GIGYF2: variants seen among roughly 807,000 people sequenced by gnomAD.
GIGYF2 encodes the protein GRB10 interacting GYF protein 2.
GIGYF2 carries 25 observed loss-of-function variants against 208.1 expected under a neutral mutation model. The observed-to-expected ratio is 0.12, with a 90% CI of 0.09 to 0.17. GIGYF2 has a LOEUF of 0.17. GIGYF2 is among the 10% of genes least tolerant of loss of function. The pLI, the probability that GIGYF2 is intolerant of heterozygous loss-of-function variation, is 1.00. For missense variants in GIGYF2, 1,302 were observed against 1,579.4 expected (o/e 0.82, Z 2.98); for synonymous variants, 534 against 543.8 (o/e 0.98, Z 0.25).
In GIGYF2 at chr2:232,784,103, G is replaced by A. The variant is rs182125530; in HGVS notation, c.533-3047G>A. Among the ~76,000 whole-genome samples the A allele has an allele frequency of 1.4e-3, 219 of 152,296 alleles. 3 individuals carry two copies. Among genetic ancestry groups the A allele is most frequent in the African/African-American group, 5.1e-3 (213 of 41,546 alleles). On this transcript the variant is annotated intron_variant, in intron 8 of 28. Transcript: ENST00000373563. Reference sequence around the variant, plus strand: ...AATTCAGCATCCCTGAAATTAAATGGATAGGATTTTCTCATAACATGATCA... The same window carrying A: ...AATTCAGCATCCCTGAAATTAAATGAATAGGATTTTCTCATAACATGATCA...
At chr2:232,815,825 T>G (rs531625189) in intron 19 of GIGYF2, 88 bp downstream of exon 19, 2 of 749,760 alleles carry the variant, frequency 2.7e-6, no homozygotes, top group African/African-American at 3.4e-5. Context: ...TAGCTAGCTA[T>G]GCTTTTTACT....
chr2:232,804,085 C>A (rs969028168), intron 14 of GIGYF2, among the ~76,000 whole-genome samples: 20 of 152,012 alleles, frequency 1.3e-4, no homozygotes, highest in African/African-American at 4.1e-4. Context: ...TGATTCTTCC[C>A]AGTTTAATCT....
intron 3 of GIGYF2, among the ~76,000 whole-genome samples, chr2:232,746,114 C>T (rs1017341272): frequency 2.6e-5 from 4 of 151,414 alleles, no homozygotes; most frequent in South Asian, 2.1e-4. Flanking sequence ...AAAAATTACA[C>T]GGGAGTTTGT....
chr2:232,840,079 G>A, intron 23 of GIGYF2, 108 bp downstream of exon 23: 1 of 1,172,188 alleles, frequency 8.5e-7, no homozygotes, highest in Admixed American at 1.8e-5. Context: ...ATTGTTGTGT[G>A]TCTGAATTGG....
At chr2:232,746,976 G>A (rs1161243071) in intron 3 of GIGYF2, among the ~76,000 whole-genome samples, 2 of 152,062 alleles carry the variant, frequency 1.3e-5, no homozygotes, top group African/African-American at 4.8e-5. Context: ...CTATGCTTTT[G>A]CTGCAGTTTG....
Position 232,745,688 on chromosome 2 carries a change from A to T in GIGYF2, c.42-1927A>T, listed in dbSNP as rs1698124872. Among the ~76,000 whole-genome samples, 4 of 152,306 alleles carry T rather than the reference A, an allele frequency of 2.6e-5. No homozygotes were observed. In the South Asian group the frequency reaches 8.3e-4, roughly 32 times the overall value. On this transcript the variant is annotated intron_variant, in intron 3 of 28. Transcript: ENST00000373563. ...TGCAGAAGTATTCCAGCTAATACAT[A>T]AGGGAGGAATGAAAGAATATAATCA...
At chr2:232,769,624 A>G (rs1574858691) in intron 8 of GIGYF2, among the ~76,000 whole-genome samples, 2 of 152,122 alleles carry the variant, frequency 1.3e-5, no homozygotes, top group East Asian at 3.9e-4. Context: ...CTATCAGGTA[A>G]TTTCAGTGCA....
chr2:232,721,310 CTT>C (rs1696933664), intron 2 of GIGYF2, among the ~76,000 whole-genome samples: 1 of 152,238 alleles, frequency 6.6e-6, no homozygotes, highest in South Asian at 2.1e-4. Context: ...GACCAAATCT[CTT>C]GTTTAATTCC....
In GIGYF2 at chr2:232,756,304, C is replaced by T. The variant is rs138360511; in HGVS notation, c.349C>T (p.Pro117Ser). ...AGGAGGAGGAACAGTGGTGGGGGCTCCTAGAGGTCGAAGTTCTTCAAGAGG... is the reference window on the plus strand; with the variant it reads ...AGGAGGAGGAACAGTGGTGGGGGCTTCTAGAGGTCGAAGTTCTTCAAGAGG... The part of the protein sequence containing the change: ...RGGGGTVVGA[P>S]RGRSSSRGRG... The change falls in exon 6 of 29, where the codon CCT (proline) becomes TCT (serine). Residue 117 changes from proline (P) to serine (S), a missense_variant. This residue lies in a region of GIGYF2 where 189 missense variants were observed against 257.7 expected (regional missense o/e 0.73). Coordinates refer to ENST00000373563, the MANE Select transcript of GIGYF2 (RefSeq NM_001103146.3). The T allele has an allele frequency of 4.6e-5, 73 of 1,573,402 alleles. 1 individual carries two copies. The highest frequency in any genetic ancestry group is 3.6e-4 in the Middle Eastern group (2 of 5,566).
Position 232,806,169 on chromosome 2 carries a change from A to G in GIGYF2, c.1640-322A>G, listed in dbSNP as rs985378487. On this transcript the variant is annotated intron_variant, in intron 14 of 28. Transcript: ENST00000373563. The surrounding 1 kb of genome is among the most constrained non-coding windows in gnomAD (Gnocchi z 4.0). Reference sequence around the variant, plus strand: ...TATATTCTTTACGCCTAAATGATACAAAGTCTAGTAAATAGTTAACTCTTC... The same window carrying G: ...TATATTCTTTACGCCTAAATGATACGAAGTCTAGTAAATAGTTAACTCTTC... Among the ~76,000 whole-genome samples the G allele has an allele frequency of 6.6e-6, 1 of 152,214 alleles. No individual in the cohort carries two copies. The highest frequency in any genetic ancestry group is 2.1e-4 in the South Asian group (1 of 4,832).
intron 21 of GIGYF2, among the ~76,000 whole-genome samples, chr2:232,829,943 T>C (rs1179849854): frequency 6.6e-6 from 1 of 152,018 alleles, no homozygotes; most frequent in Non-Finnish European, 1.5e-5. Context: ...GATTTCTCTC[T>C]GGTGTTCATT....
chr2:232,765,801 T>TG (rs1698932780), intron 8 of GIGYF2: 1 of 373,376 alleles, frequency 2.7e-6, no homozygotes, highest in African/African-American at 2.1e-5. Context: ...CTTGGTAGTA[T>TG]GGGCTTGTAC....
intron 3 of GIGYF2, among the ~76,000 whole-genome samples, chr2:232,740,093 G>C (rs144471350): frequency 6.6e-6 from 1 of 152,242 alleles, no homozygotes; most frequent in Non-Finnish European, 1.5e-5. Flanking sequence ...ACTCCATCCT[G>C]AGTGACAAAG....
intron 2 of GIGYF2, among the ~76,000 whole-genome samples, chr2:232,713,152 T>G (rs906004698): frequency 1.3e-5 from 2 of 151,710 alleles, no homozygotes; most frequent in Non-Finnish European, 2.9e-5. Context: ...CTCTGCTCAC[T>G]GTAACCACCG....
chr2:232,798,951 G>T (rs1382940682), intron 14 of GIGYF2, among the ~76,000 whole-genome samples: 2 of 149,598 alleles, frequency 1.3e-5, no homozygotes, highest in East Asian at 3.9e-4. Context: ...CCAGTCCCTG[G>T]CAATTACCAT....
At chr2:232,811,169 T>C (rs1028721741) in intron 16 of GIGYF2, 75 bp from the exon 17 acceptor site, 39 of 796,466 alleles carry the variant, frequency 4.9e-5, no homozygotes, top group Non-Finnish European at 7.8e-5. Flanking sequence ...TGAATTGAAC[T>C]TTGTCTTTCA....
chr2:232,856,687 G>C, intron 28 of GIGYF2, 106 bp from the exon 29 acceptor site: 1 of 810,794 alleles, frequency 1.2e-6, no homozygotes, highest in South Asian at 1.3e-5. Context: ...GTGAAACCCT[G>C]TCTCACAAAC....
chr2:232,723,114 C>T (rs1271581687), intron 2 of GIGYF2, among the ~76,000 whole-genome samples: 1 of 152,058 alleles, frequency 6.6e-6, no homozygotes, highest in Non-Finnish European at 1.5e-5. Context: ...ATTAGCTTGG[C>T]CTCAGTTTCC....
chr2:232,788,635 C>G (rs1238830240), intron 9 of GIGYF2: 7 of 465,414 alleles, frequency 1.5e-5, no homozygotes, highest in Non-Finnish European at 2.2e-5. Flanking sequence ...GCCCAAATGT[C>G]TGATGTTGAT....
Sources: allele counts gnomAD v4.1 joint callset (sites outside exome capture counted in the v4.1 genomes callset), GRCh38; gene constraint gnomAD v4.1.1; regional missense constraint gnomAD v4.1.1; non-coding constraint Gnocchi (gnomAD v3.1); transcripts MANE v1.5; gene names NCBI Gene and HGNC (gene_info 2026-07-23, HGNC 2026-07-21).